TAFA5: variants seen among roughly 807,000 people sequenced by gnomAD.
TAFA5 encodes the protein TAFA chemokine like family member 5.
A neutral mutation model predicts 15.3 loss-of-function variants in TAFA5; 6 were observed. That is an observed-to-expected ratio of 0.39 (90% CI 0.21 to 0.77). The LOEUF (loss-of-function observed/expected upper bound fraction) is 0.77, where lower values mean the gene tolerates loss of function less well. TAFA5 is among the 30% of genes least tolerant of loss of function. TAFA5 has a pLI of 0.41. For missense variants in TAFA5, 161 were observed against 193.1 expected (o/e 0.83, Z 0.98); for synonymous variants, 103 against 80.7 (o/e 1.28, Z -1.48).
intron 1 of TAFA5, among the ~76,000 whole-genome samples, chr22:48,568,957 G>A (rs1337280277): frequency 6.6e-6 from 1 of 152,224 alleles, no homozygotes; most frequent in East Asian, 1.9e-4. Context: ...CGAGGGCAGA[G>A]CATCCTCTTG....
intron 2 of TAFA5, among the ~76,000 whole-genome samples, chr22:48,680,121 TC>T (rs1569076461): frequency 6.6e-6 from 1 of 152,002 alleles, no homozygotes; most frequent in Non-Finnish European, 1.5e-5. Context: ...GTGGCCATGG[TC>T]CCCCCACCCT....
At chr22:48,592,399 T>C (rs1198892659) in intron 1 of TAFA5, among the ~76,000 whole-genome samples, 1 of 152,222 alleles carries the variant, frequency 6.6e-6, no homozygotes, top group Non-Finnish European at 1.5e-5. Flanking sequence ...TCAGAGGACC[T>C]TGGAGGCTGT....
At position 48,557,984 on chromosome 22, in the gene TAFA5, C is replaced by T. The variant is rs538825436; in HGVS notation, c.112+68280C>T. Among the ~76,000 whole-genome samples the T allele has an allele frequency of 2.0e-5, 3 of 152,294 alleles. No homozygotes were observed. In the South Asian group the frequency reaches 6.2e-4, roughly 32 times the overall value. Reference sequence around the variant, plus strand: ...CAAGTTGGTGGAGACAGATTGGAGCCACGGAGCCCGCTCAGGCAGAGGCCC... The same window carrying T: ...CAAGTTGGTGGAGACAGATTGGAGCTACGGAGCCCGCTCAGGCAGAGGCCC... On this transcript the variant is annotated intron_variant, in intron 1 of 3. Transcript: ENST00000402357.
intron 1 of TAFA5, among the ~76,000 whole-genome samples, chr22:48,570,544 A>T (rs1251777527): frequency 6.6e-6 from 1 of 152,324 alleles, no homozygotes; most frequent in East Asian, 1.9e-4. Context: ...TTTAGTTTCA[A>T]CATGCGTGAT....
chr22:48,519,296 G>A (rs989350238), intron 1 of TAFA5, among the ~76,000 whole-genome samples: 1 of 152,238 alleles, frequency 6.6e-6, no homozygotes, highest in Non-Finnish European at 1.5e-5. Flanking sequence ...AGAATCCCGC[G>A]TCTTCCCTTT....
chr22:48,606,266 C>T (rs1474917070), intron 1 of TAFA5, among the ~76,000 whole-genome samples: 1 of 152,188 alleles, frequency 6.6e-6, no homozygotes, highest in Non-Finnish European at 1.5e-5. Flanking sequence ...TCAAGGCATG[C>T]TCCCTCTCGA....
chr22:48,601,968 C>T lies in TAFA5; in HGVS notation c.113-44629C>T, dbSNP rs1038777776. Among the ~76,000 whole-genome samples the T allele has an allele frequency of 4.6e-5, 7 of 152,276 alleles. No homozygotes were observed. The South Asian group carries it at 6.2e-4, about 14-fold the overall frequency. On this transcript the variant is annotated intron_variant, in intron 1 of 3. Transcript: ENST00000402357. Reference sequence around the variant, plus strand: ...TGTCTCATGGCTGGCACATACAGACCGTGCCAGTGTGAGCGGCATGCACCT... The same window carrying T: ...TGTCTCATGGCTGGCACATACAGACTGTGCCAGTGTGAGCGGCATGCACCT...
intron 2 of TAFA5, among the ~76,000 whole-genome samples, chr22:48,683,359 G>C (rs1473167381): frequency 6.6e-6 from 1 of 152,242 alleles, no homozygotes; most frequent in Non-Finnish European, 1.5e-5. Flanking sequence ...GAGAGCGCCA[G>C]GTACGGCACT....
chr22:48,616,290 C>T (rs1279537493), intron 1 of TAFA5, among the ~76,000 whole-genome samples: 6 of 152,130 alleles, frequency 3.9e-5, no homozygotes, highest in Admixed American at 2.6e-4. Flanking sequence ...GCCGTAACCC[C>T]GCCGTGCTGA....
chr22:48,643,200 G>A (rs1301256865), intron 1 of TAFA5, among the ~76,000 whole-genome samples: 2 of 152,216 alleles, frequency 1.3e-5, no homozygotes, highest in Non-Finnish European at 2.9e-5. Flanking sequence ...GGCCTCCAGC[G>A]CCATGGGATA....
At chr22:48,626,163 C>G (rs1395920815) in intron 1 of TAFA5, among the ~76,000 whole-genome samples, 3 of 152,212 alleles carry the variant, frequency 2.0e-5, no homozygotes, top group Non-Finnish European at 4.4e-5. Flanking sequence ...CATTCACACG[C>G]AGCTTTCTGT....
chr22:48,744,767 A>AT (rs1452210619), intron 3 of TAFA5, among the ~76,000 whole-genome samples: 3 of 150,640 alleles, frequency 2.0e-5, no homozygotes, highest in East Asian at 2.0e-4. Context: ...TCTTTTCTTT[A>AT]TTTTTTTTGA....
intron 2 of TAFA5, among the ~76,000 whole-genome samples, chr22:48,695,255 A>G (rs1377802268): frequency 6.6e-6 from 1 of 152,130 alleles, no homozygotes; most frequent in Non-Finnish European, 1.5e-5. Context: ...CTCCATCACC[A>G]GCCAGATCTG....
intron 1 of TAFA5, among the ~76,000 whole-genome samples, chr22:48,491,975 G>C (rs1038896031): frequency 6.6e-6 from 1 of 152,144 alleles, no homozygotes; most frequent in Non-Finnish European, 1.5e-5. Flanking sequence ...TTTTATGGCT[G>C]TTTCCATCTC....
chr22:48,532,244 C>G (rs1229544841), intron 1 of TAFA5, among the ~76,000 whole-genome samples: 1 of 152,200 alleles, frequency 6.6e-6, no homozygotes, highest in Non-Finnish European at 1.5e-5. Context: ...CCAGGGCTGC[C>G]CAGCCAGCAC....
chr22:48,676,713 CGG>C (rs1183732114), intron 2 of TAFA5, among the ~76,000 whole-genome samples: 1 of 152,194 alleles, frequency 6.6e-6, no homozygotes, highest in Non-Finnish European at 1.5e-5. Flanking sequence ...ACTCTGCGGC[CGG>C]GGAGCGGGTA....
chr22:48,629,333 G>A (rs1336901742), intron 1 of TAFA5, among the ~76,000 whole-genome samples: 1 of 152,190 alleles, frequency 6.6e-6, no homozygotes. Flanking sequence ...CAACCCAGCG[G>A]CCCCTCCTCG....
chr22:48,675,166 T>G (rs752052209), intron 2 of TAFA5, among the ~76,000 whole-genome samples: 9 of 152,228 alleles, frequency 5.9e-5, no homozygotes, highest in Non-Finnish European at 1.0e-4. Flanking sequence ...GGTCTCGAAC[T>G]CCTGACGTCA....
At chr22:48,502,289 A>T (rs763053177) in intron 1 of TAFA5, among the ~76,000 whole-genome samples, 7 of 152,110 alleles carry the variant, frequency 4.6e-5, no homozygotes, top group Non-Finnish European at 2.9e-5. Context: ...TTGGACTGGG[A>T]GAGAACCTAA....
Sources: allele counts gnomAD v4.1 joint callset (sites outside exome capture counted in the v4.1 genomes callset), GRCh38; gene constraint gnomAD v4.1.1; transcripts MANE v1.5; gene names NCBI Gene and HGNC (gene_info 2026-07-23, HGNC 2026-07-21).